The following CDH12 variants were observed in gnomAD, a reference collection of about 807,000 sequenced individuals.
CDH12 encodes the protein cadherin-12.
Under a neutral mutation model 74.1 loss-of-function variants are expected in CDH12, and 41 were observed. The observed-to-expected ratio is 0.55, with a 90% CI of 0.43 to 0.72. The LOEUF is 0.72. CDH12 is among the 30% of genes least tolerant of loss of function. The pLI is 0.00. For synonymous variants in CDH12, 399 were observed against 355.0 expected (o/e 1.12, Z -1.39); for missense variants, 945 against 977.2 (o/e 0.97, Z 0.44).
Position 21,751,161 on chromosome 5 carries a change from A to G in CDH12, c.*576T>C, listed in dbSNP as rs1281529498. The G allele has an allele frequency of 6.5e-6, 1 of 152,724 alleles. No homozygotes were observed. Among genetic ancestry groups the G allele is most frequent in the Non-Finnish European group, 1.5e-5 (1 of 68,100 alleles). 9.5% of individuals were successfully genotyped at this position (152,724 alleles called of 1,614,324 possible). ...AAAGAAAAAGAAAACCTTTTGAATT[A>G]GAAGAAGGTGGAGATCAGAAAGTGT... On this transcript the variant is annotated 3_prime_UTR_variant, in exon 15 of 15. Coordinates refer to ENST00000382254, the MANE Select transcript of CDH12 (RefSeq NM_004061.5).
At chr5:22,746,732 T>C (rs2127027152) in intron 1 of CDH12, among the ~76,000 whole-genome samples, 1 of 152,316 alleles carries the variant, frequency 6.6e-6, no homozygotes. Flanking sequence ...TGTACATCTG[T>C]AAAGCCAGCA....
intron 4 of CDH12, among the ~76,000 whole-genome samples, chr5:22,153,848 ATGTGTGTGTG>A (rs202179631): frequency 7.6e-6 from 1 of 130,940 alleles, no homozygotes; most frequent in African/African-American, 3.0e-5. Flanking sequence ...ATATACATAT[ATGTGTGTGTG>A]TATATATATA....
chr5:21,752,420 C>G (rs1744149380), intron 14 of CDH12, among the ~76,000 whole-genome samples, 184 bp from the exon 15 acceptor site: 1 of 151,998 alleles, frequency 6.6e-6, no homozygotes, highest in Non-Finnish European at 1.5e-5. Context: ...TGTTAACTAA[C>G]AAGAAACCAT....
chr5:21,775,169 CT>C (rs1444482575), intron 11 of CDH12, among the ~76,000 whole-genome samples: 3 of 152,084 alleles, frequency 2.0e-5, no homozygotes, highest in Non-Finnish European at 4.4e-5. Flanking sequence ...CTATTAATAC[CT>C]TTTTTGAAAA....
chr5:22,547,423 C>A (rs1005905569), intron 1 of CDH12, among the ~76,000 whole-genome samples: 4 of 152,080 alleles, frequency 2.6e-5, no homozygotes, highest in African/African-American at 9.7e-5. Flanking sequence ...GTCGTCAGTC[C>A]AATTTCTCCT....
chr5:22,761,858 TTG>T (rs1271378729), intron 1 of CDH12, among the ~76,000 whole-genome samples: 2 of 152,096 alleles, frequency 1.3e-5, no homozygotes, highest in Non-Finnish European at 2.9e-5. Context: ...AAACAAAACC[TTG>T]TGTCAGACTT....
chr5:22,144,733 C>T lies in CDH12; in HGVS notation c.-186-65871G>A, dbSNP rs180962059. ...AAATGGCAGTCTTTCCACATTTTGACGTAATAATTTTGAGCTTGTTACAAA... is the reference window on the plus strand; with the variant it reads ...AAATGGCAGTCTTTCCACATTTTGATGTAATAATTTTGAGCTTGTTACAAA... On this transcript the variant is annotated intron_variant, in intron 4 of 14. Coordinates refer to ENST00000382254, the MANE Select transcript of CDH12 (RefSeq NM_004061.5). Among the ~76,000 whole-genome samples the T allele has an allele frequency of 1.4e-3, 214 of 151,596 alleles. 2 individuals are homozygous for T. Among genetic ancestry groups the T allele is most frequent in the African/African-American group, 4.8e-3 (198 of 41,358 alleles).
chr5:21,822,783 A>G (rs1370198366), intron 8 of CDH12, among the ~76,000 whole-genome samples: 1 of 152,084 alleles, frequency 6.6e-6, no homozygotes, highest in Non-Finnish European at 1.5e-5. Context: ...TTAACTAACC[A>G]TATACATGAA....
chr5:22,737,135 T>A (rs548622122), intron 1 of CDH12, among the ~76,000 whole-genome samples: 2 of 152,110 alleles, frequency 1.3e-5, no homozygotes, highest in Admixed American at 6.6e-5. Context: ...TTTTCACTGA[T>A]GTTTATAATA....
chr5:22,414,221 G>A (rs989407900), intron 2 of CDH12, among the ~76,000 whole-genome samples: 1 of 151,872 alleles, frequency 6.6e-6, no homozygotes, highest in South Asian at 2.1e-4. Flanking sequence ...TTTAAAAAAT[G>A]AATGTACATG....
chr5:21,775,865 T>C (rs1745558762), intron 11 of CDH12, among the ~76,000 whole-genome samples: 1 of 152,086 alleles, frequency 6.6e-6, no homozygotes, highest in Non-Finnish European at 1.5e-5. Flanking sequence ...GTTTCTAATT[T>C]TTTCTCTTTT....
At chr5:22,344,284 T>C (rs1580544831) in intron 3 of CDH12, among the ~76,000 whole-genome samples, 1 of 152,350 alleles carries the variant, frequency 6.6e-6, no homozygotes, top group South Asian at 2.1e-4. Context: ...TGTTGCATTA[T>C]GTCACGACCA....
Position 21,841,870 on chromosome 5 carries a change from A to AG in CDH12, c.814+290dup, listed in dbSNP as rs1470404262. 3.1e-3 allele frequency among the ~76,000 whole-genome samples: 179 copies of AG among 58,362 alleles called. 1 individual carries two copies. The highest frequency in any genetic ancestry group is 0.01 in the Middle Eastern group (1 of 98). 38.3% of individuals were successfully genotyped at this position (58,362 alleles called of 152,430 possible). A position where few individuals can be genotyped will look rare whatever the true frequency, so the allele number is the denominator to read the frequency against. ...CTGGGGACTGTTGTGGGGTGGGGGG[A>AG]GGGGGGAGGGATAGCATTGGGAGAT... On this transcript the variant is annotated intron_variant, in intron 8 of 14. Coordinates refer to ENST00000382254, the MANE Select transcript of CDH12 (RefSeq NM_004061.5).
intron 3 of CDH12, among the ~76,000 whole-genome samples, chr5:22,372,048 G>A (rs1256591745): frequency 2.0e-5 from 3 of 152,148 alleles, no homozygotes; most frequent in Non-Finnish European, 4.4e-5. Context: ...TAAGACAAGA[G>A]GCTAATACAC....
At chr5:22,449,423 C>T (rs888540550) in intron 2 of CDH12, among the ~76,000 whole-genome samples, 1 of 151,986 alleles carries the variant, frequency 6.6e-6, no homozygotes, top group African/African-American at 2.4e-5. Context: ...CTGAATGTTT[C>T]AGATATGTTG....
In CDH12 at chr5:22,172,744, T is replaced by C; in HGVS notation, c.-187+39754A>G. Reference sequence around the variant, plus strand: ...TTATATTTTATTGAATGCATTTCCTTTTTTCTCTATTTTTTAATATTTGCA... The same window carrying C: ...TTATATTTTATTGAATGCATTTCCTCTTTTCTCTATTTTTTAATATTTGCA... On this transcript the variant is annotated intron_variant, in intron 4 of 14. Transcript: ENST00000382254. Among the ~76,000 whole-genome samples, 2 of 151,770 alleles carry C rather than the reference T, an allele frequency of 1.3e-5. 1 individual carries two copies. Among genetic ancestry groups the C allele is most frequent in the African/African-American group, 4.8e-5 (2 of 41,414 alleles).
At chr5:22,563,027 T>G (rs185058379) in intron 1 of CDH12, among the ~76,000 whole-genome samples, 2,323 of 147,624 alleles carry the variant, frequency 0.016, 29 homozygotes, top group Non-Finnish European at 0.026. Context: ...TATATTTAAA[T>G]GCATAAATTT....
chr5:22,082,215 T>C (rs1220527063), intron 4 of CDH12, among the ~76,000 whole-genome samples: 1 of 152,212 alleles, frequency 6.6e-6, no homozygotes, highest in African/African-American at 2.4e-5. Flanking sequence ...ATTCTTACCA[T>C]AGCAACCTCA....
At chr5:22,819,928 G>T (rs910298286) in intron 1 of CDH12, among the ~76,000 whole-genome samples, 4 of 145,572 alleles carry the variant, frequency 2.7e-5, no homozygotes, top group Non-Finnish European at 6.0e-5. Flanking sequence ...TATTTATATA[G>T]ATGTGTGTGT....
Sources: gnomAD v4.1 joint callset for allele counts (sites outside exome capture counted in the v4.1 genomes callset) on GRCh38, gnomAD v4.1.1 for gene constraint, MANE v1.5 for transcripts, NCBI Gene and HGNC (gene_info 2026-07-23, HGNC 2026-07-21) for gene names.